MACROD2: variants seen among roughly 807,000 people sequenced by gnomAD.
MACROD2 encodes mono-ADP ribosylhydrolase 2.
Under a neutral mutation model 70.4 loss-of-function variants are expected in MACROD2, and 36 were observed. The observed-to-expected ratio is 0.51, with a 90% CI of 0.39 to 0.68. The LOEUF (loss-of-function observed/expected upper bound fraction) is 0.68. Ranked by LOEUF, MACROD2 falls within the 30% of genes least tolerant of loss-of-function variation. The pLI is 0.00. For missense variants in MACROD2, 496 were observed against 538.4 expected (o/e 0.92, Z 0.78); for synonymous variants, 172 against 178.8 (o/e 0.96, Z 0.30).
At chr20:15,245,611 G>GTACT (rs1341636888) in intron 6 of MACROD2, among the ~76,000 whole-genome samples, 1 of 152,174 alleles carries the variant, frequency 6.6e-6, no homozygotes, top group Non-Finnish European at 1.5e-5. Flanking sequence ...AATGGAAACT[G>GTACT]TACTTCAAGT....
chr20:14,091,185 C>G (rs1003574813), intron 3 of MACROD2, among the ~76,000 whole-genome samples: 4 of 152,000 alleles, frequency 2.6e-5, no homozygotes, highest in African/African-American at 9.7e-5. Context: ...TATTTTCTCC[C>G]ATTTTGTGGG....
At chr20:14,031,810 A>T (rs1247536797) in intron 2 of MACROD2, among the ~76,000 whole-genome samples, 1 of 152,138 alleles carries the variant, frequency 6.6e-6, no homozygotes, top group Non-Finnish European at 1.5e-5. Context: ...CCCACACTTT[A>T]TGCATTTTTA....
chr20:14,791,612 T>G (rs1568798094), intron 5 of MACROD2, among the ~76,000 whole-genome samples: 2 of 152,170 alleles, frequency 1.3e-5, no homozygotes, highest in South Asian at 2.1e-4. Context: ...CCTGAAGTGA[T>G]GACCTTAGAC....
chr20:15,046,377 C>T (rs990180654), intron 5 of MACROD2, among the ~76,000 whole-genome samples: 3 of 152,122 alleles, frequency 2.0e-5, no homozygotes, highest in Non-Finnish European at 2.9e-5. Context: ...AAACATTTCA[C>T]GCACATGTTC....
chr20:15,438,338 A>G (rs2046453988), intron 7 of MACROD2, among the ~76,000 whole-genome samples: 2 of 152,226 alleles, frequency 1.3e-5, no homozygotes, highest in South Asian at 4.2e-4. Flanking sequence ...CCTTGCCAGC[A>G]TCAGTTATTT....
At position 15,937,446 on chromosome 20, in the gene MACROD2, C is replaced by G. The variant is rs747200551; in HGVS notation, c.839-30C>G. On this transcript the variant is annotated intron_variant, in intron 11 of 17. Transcript: ENST00000684519. Reference sequence around the variant, plus strand: ...AGCTGGACTTCCGGAAGGATGAACTCTGAGGCAGTGTTTCTTTTCTGCTTT... The same window carrying G: ...AGCTGGACTTCCGGAAGGATGAACTGTGAGGCAGTGTTTCTTTTCTGCTTT... 3.1e-6 allele frequency: 5 copies of G among 1,610,874 alleles called. No individual in the cohort carries two copies. In the Admixed American group the frequency reaches 6.7e-5, roughly 21 times the overall value.
chr20:14,765,443 C>T (rs1194669906), intron 5 of MACROD2, among the ~76,000 whole-genome samples: 3 of 152,054 alleles, frequency 2.0e-5, no homozygotes, highest in African/African-American at 7.2e-5. Context: ...TTGTTGAAAA[C>T]GAAGCATTAG....
intron 5 of MACROD2, among the ~76,000 whole-genome samples, chr20:15,165,710 C>G (rs906977558): frequency 6.6e-6 from 1 of 152,180 alleles, no homozygotes; most frequent in Non-Finnish European, 1.5e-5. Flanking sequence ...AAAATATGCA[C>G]GTTTCCAAAC....
At chr20:15,316,420 C>G (rs897334145) in intron 6 of MACROD2, among the ~76,000 whole-genome samples, 2 of 151,912 alleles carry the variant, frequency 1.3e-5, no homozygotes, top group Non-Finnish European at 2.9e-5. Flanking sequence ...GCAAAATGAT[C>G]TTTTAGTCAA....
At chr20:15,286,672 G>A (rs144768069) in intron 6 of MACROD2, among the ~76,000 whole-genome samples, 4 of 152,080 alleles carry the variant, frequency 2.6e-5, no homozygotes, top group South Asian at 2.1e-4. Context: ...AAGTAAGGTC[G>A]CCATTTAGTA....
rs60260667 is a variant in MACROD2 at position 15,030,666 on chromosome 20, C to CAGATAGATAGATAGATAGATAGAT, written c.419-199252_419-199251insATAGATAGATAGATAGATAGATAG. On this transcript the variant is annotated intron_variant, in intron 5 of 17. Coordinates refer to ENST00000684519, the MANE Select transcript of MACROD2 (RefSeq NM_001351661.2). ...TAAGGATAAAATATAGATAGATAGA[C>CAGATAGATAGATAGATAGATAGAT]AGATAGATAGATAGATAGATAGTCT... is the stretch of plus-strand genomic sequence containing the variant. 3.5e-3 allele frequency among the ~76,000 whole-genome samples: 539 copies of CAGATAGATAGATAGATAGATAGAT among 151,862 alleles called. 8 individuals carry two copies. Among genetic ancestry groups the CAGATAGATAGATAGATAGATAGAT allele is most frequent in the African/African-American group, 0.012 (486 of 41,272 alleles).
chr20:15,000,067 A>C (rs181723430), intron 5 of MACROD2, among the ~76,000 whole-genome samples: 2 of 152,338 alleles, frequency 1.3e-5, no homozygotes, highest in Admixed American at 6.5e-5. Context: ...GTGGAATTTG[A>C]CTGGGAACCA....
At chr20:15,519,055 T>TCCTTCCTTCC (rs2047608490) in intron 8 of MACROD2, among the ~76,000 whole-genome samples, 1 of 116,340 alleles carries the variant, frequency 8.6e-6, no homozygotes, top group African/African-American at 3.2e-5. Context: ...TAACTCGCTC[T>TCCTTCCTTCC]TTCCTTCCTT....
chr20:15,019,163 ACGCG>A (rs200827351), intron 5 of MACROD2, among the ~76,000 whole-genome samples: 23 of 151,184 alleles, frequency 1.5e-4, no homozygotes, highest in Admixed American at 1.4e-3. Flanking sequence ...ACACACACAC[ACGCG>A]CGCGCGCGCG....
chr20:15,796,912 T>G (rs1374321688), intron 8 of MACROD2, among the ~76,000 whole-genome samples: 1 of 152,206 alleles, frequency 6.6e-6, no homozygotes, highest in Non-Finnish European at 1.5e-5. Flanking sequence ...TATATTTGAA[T>G]GCCTGTTATA....
intron 3 of MACROD2, among the ~76,000 whole-genome samples, chr20:14,178,313 A>G (rs1325920006): frequency 6.6e-6 from 1 of 152,210 alleles, no homozygotes; most frequent in African/African-American, 2.4e-5. Context: ...ATTTTAACCC[A>G]TAATCATGTA....
rs185233172 is a variant in MACROD2, at chr20:15,141,277, C to T, written c.419-88663C>T. On this transcript the variant is annotated intron_variant, in intron 5 of 17. Transcript: ENST00000684519. Reference sequence around the variant, plus strand: ...CATGTAGAATTTACATGCATTCAGGCACTAGCATACATACATATAGATATA... The same window carrying T: ...CATGTAGAATTTACATGCATTCAGGTACTAGCATACATACATATAGATATA... Among the ~76,000 whole-genome samples the T allele has an allele frequency of 6.6e-5, 10 of 151,784 alleles. No individual in the cohort carries two copies. The East Asian group carries it at 1.8e-3, about 27-fold the overall frequency.
chr20:15,566,769 C>T (rs1486776921), intron 8 of MACROD2, among the ~76,000 whole-genome samples: 1 of 152,190 alleles, frequency 6.6e-6, no homozygotes, highest in East Asian at 1.9e-4. Context: ...TGAAACTTAT[C>T]TCAAAAGCCT....
chr20:15,221,298 C>T (rs545462789), intron 5 of MACROD2, among the ~76,000 whole-genome samples: 1 of 152,274 alleles, frequency 6.6e-6, no homozygotes, highest in South Asian at 2.1e-4. Flanking sequence ...CTCCTCTCAC[C>T]CCTGCTATTG....
Sources: allele counts gnomAD v4.1 joint callset (sites outside exome capture counted in the v4.1 genomes callset), GRCh38; gene constraint gnomAD v4.1.1; transcripts MANE v1.5; gene names NCBI Gene and HGNC (gene_info 2026-07-23, HGNC 2026-07-21).